Variants in ZFHX3 observed in about 807,000 individuals in gnomAD.
ZFHX3 encodes zinc finger homeobox protein 3.
A neutral mutation model predicts 279.1 loss-of-function variants in ZFHX3; 42 were observed. That is an observed-to-expected ratio of 0.15 (90% confidence interval 0.12 to 0.19). ZFHX3 has a LOEUF of 0.19. Ranked by LOEUF, ZFHX3 falls within the 10% of genes least tolerant of loss-of-function variation. The pLI is 1.00. For synonymous variants in ZFHX3, 2,293 were observed against 1,957.8 expected (o/e 1.17, Z -4.52); for missense variants, 4,981 against 4,754.0 (o/e 1.05, Z -1.40).
At chr16:73,608,524 A>T (rs1323148295) in intron 2 of ZFHX3, 1 of 152,194 alleles carries the variant, frequency 6.6e-6, no homozygotes, top group Non-Finnish European at 1.5e-5. Flanking sequence ...TAACAACAAC[A>T]TTGTTTTTTA....
At chr16:73,387,359 A>T (rs2143386351) in intron 3 of ZFHX3, 1 of 152,222 alleles carries the variant, frequency 6.6e-6, no homozygotes, top group Non-Finnish European at 1.5e-5. Flanking sequence ...TGCAAAAAAA[A>T]TAACAAATAA....
chr16:73,190,392 G>C (rs977019773), intron 5 of ZFHX3, among the ~76,000 whole-genome samples: 25 of 152,204 alleles, frequency 1.6e-4, no homozygotes, highest in African/African-American at 5.5e-4. Context: ...CAGGCACTAG[G>C]AGTTTCCAAG....
chr16:73,414,638 C>G (rs192014560), intron 3 of ZFHX3, among the ~76,000 whole-genome samples: 13 of 152,296 alleles, frequency 8.5e-5, no homozygotes, highest in African/African-American at 2.9e-4. Context: ...AAGTTTGAGA[C>G]CAGCCTGAGC....
rs558183419 is a variant in ZFHX3 at position 73,321,175 on chromosome 16, C to G, written c.-1290-2839G>C. Among the ~76,000 whole-genome samples the G allele has an allele frequency of 9.8e-5, 15 of 152,320 alleles. 1 individual carries two copies. In the South Asian group the frequency reaches 3.1e-3, roughly 32 times the overall value. On this transcript the variant is annotated intron_variant, in intron 3 of 17. Transcript: ENST00000641206. Reference sequence around the variant, plus strand: ...TCTCATCCCCACATTTCTCCTGAGTCTTACGTGATAGAACATTGCTCTCTA... The same window carrying G: ...TCTCATCCCCACATTTCTCCTGAGTGTTACGTGATAGAACATTGCTCTCTA...
At chr16:73,836,265 T>G (rs950748343) in intron 1 of ZFHX3, among the ~76,000 whole-genome samples, 2 of 152,176 alleles carry the variant, frequency 1.3e-5, no homozygotes, top group Non-Finnish European at 2.9e-5. Flanking sequence ...TGTGTTTGTC[T>G]GCAAAGTCCA....
At chr16:73,166,616 C>A (rs1355701605) in intron 5 of ZFHX3, among the ~76,000 whole-genome samples, 1 of 152,068 alleles carries the variant, frequency 6.6e-6, no homozygotes, top group Non-Finnish European at 1.5e-5. Context: ...TGCATGGTTA[C>A]CCTTGTCAGG....
chr16:73,388,567 A>G (rs1299767251), intron 3 of ZFHX3, among the ~76,000 whole-genome samples: 1 of 152,174 alleles, frequency 6.6e-6, no homozygotes, highest in African/African-American at 2.4e-5. Flanking sequence ...TGGAGGCTCC[A>G]TGGAGGGCTA....
chr16:72,934,726 G>A (rs1306433801), intron 3 of ZFHX3, among the ~76,000 whole-genome samples: 1 of 152,038 alleles, frequency 6.6e-6, no homozygotes, highest in African/African-American at 2.4e-5. Flanking sequence ...ATTCCTCTTT[G>A]TATTACGTAT....
rs1555510772 is a variant in ZFHX3, at chr16:73,334,810, C to CCTTTTTTTTT, written c.-1290-16475_-1290-16474insAAAAAAAAAG. ...TCTTTTCCTCCTTTTCTTTCTCATT[C>CCTTTTTTTTT]TTTTTTTTTTTTTTTTTTTTTTTTT... On this transcript the variant is annotated intron_variant, in intron 3 of 17. Coordinates refer to the ZFHX3 transcript ENST00000641206. Among the ~76,000 whole-genome samples, 72 of 57,916 alleles carry CCTTTTTTTTT rather than the reference C, an allele frequency of 1.2e-3. 15 individuals are homozygous for CCTTTTTTTTT. Among genetic ancestry groups the CCTTTTTTTTT allele is most frequent in the East Asian group, 3.3e-3 (8 of 2,430 alleles). The allele number at this position is 57,916 out of a possible 152,430, so 38.0% of individuals were successfully genotyped here.
chr16:73,375,733 G>T (rs2016711532), intron 3 of ZFHX3, among the ~76,000 whole-genome samples: 1 of 151,984 alleles, frequency 6.6e-6, no homozygotes, highest in Admixed American at 6.5e-5. Flanking sequence ...ATACTTATTT[G>T]CTTTATCCCA....
chr16:73,117,356 T>G (rs956442582), intron 7 of ZFHX3, among the ~76,000 whole-genome samples: 1 of 152,230 alleles, frequency 6.6e-6, no homozygotes, highest in Non-Finnish European at 1.5e-5. Flanking sequence ...CATGCATAAT[T>G]GTATACTAGG....
chr16:73,879,809 C>T (rs2142410866), intron 1 of ZFHX3, among the ~76,000 whole-genome samples: 1 of 152,122 alleles, frequency 6.6e-6, no homozygotes, highest in African/African-American at 2.4e-5. Flanking sequence ...CTACCCACTA[C>T]TTGCCACTGG....
chr16:73,530,868 C>A (rs967580103), intron 2 of ZFHX3, among the ~76,000 whole-genome samples: 2 of 152,154 alleles, frequency 1.3e-5, no homozygotes, highest in Non-Finnish European at 2.9e-5. Flanking sequence ...ACTTGACAAC[C>A]AGGTGTGGAC....
At chr16:73,026,085 G>A (rs1301241200) in intron 1 of ZFHX3, among the ~76,000 whole-genome samples, 2 of 151,854 alleles carry the variant, frequency 1.3e-5, no homozygotes, top group Admixed American at 1.3e-4. Flanking sequence ...AGTGGCTCAC[G>A]CTTGTAATCC....
At chr16:73,316,646 C>T (rs1004683301) in intron 4 of ZFHX3, among the ~76,000 whole-genome samples, 1 of 152,148 alleles carries the variant, frequency 6.6e-6, no homozygotes, top group Non-Finnish European at 1.5e-5. Context: ...GGGAATCCCC[C>T]ACTCCACTAG....
At chr16:72,810,683 T>C (rs1023567204) in intron 7 of ZFHX3, among the ~76,000 whole-genome samples, 4 of 152,196 alleles carry the variant, frequency 2.6e-5, no homozygotes, top group South Asian at 2.1e-4. Context: ...AAAACCCACA[T>C]TCACGAATCA....
chr16:73,528,864 G>A (rs2019741828), intron 2 of ZFHX3, among the ~76,000 whole-genome samples: 2 of 152,204 alleles, frequency 1.3e-5, no homozygotes, highest in Non-Finnish European at 2.9e-5. Flanking sequence ...ACCAGCTACA[G>A]TATAATGATA....
At chr16:73,652,102 T>C (rs550877632) in intron 2 of ZFHX3, among the ~76,000 whole-genome samples, 3 of 152,100 alleles carry the variant, frequency 2.0e-5, no homozygotes, top group Non-Finnish European at 2.9e-5. Context: ...ACCAAGAAGA[T>C]GTGAAAAGAT....
intron 4 of ZFHX3, among the ~76,000 whole-genome samples, chr16:72,830,676 T>C (rs2037040425): frequency 6.6e-6 from 1 of 152,172 alleles, no homozygotes; most frequent in Non-Finnish European, 1.5e-5. Context: ...TCAAATGTCG[T>C]TCAGCCAAGT....
Sources: gnomAD v4.1 joint callset for allele counts (sites outside exome capture counted in the v4.1 genomes callset) on GRCh38, gnomAD v4.1.1 for gene constraint, MANE v1.5 for transcripts, NCBI Gene and HGNC (gene_info 2026-07-23, HGNC 2026-07-21) for gene names.